SH2D4A: variants seen among roughly 807,000 people sequenced by gnomAD.
SH2D4A encodes SH2 domain containing 4A.
Under a neutral mutation model 64.7 loss-of-function variants are expected in SH2D4A, and 70 were observed. That is an observed-to-expected ratio of 1.08 (90% CI 0.89 to 1.32). The LOEUF (loss-of-function observed/expected upper bound fraction) is 1.32. SH2D4A is among the 40% of genes most tolerant of loss of function. SH2D4A has a pLI of 0.00. For missense variants in SH2D4A, 706 were observed against 540.1 expected (o/e 1.31, Z -3.04); for synonymous variants, 268 against 200.7 (o/e 1.34, Z -2.83).
At chr8:19,393,228 T>C (rs879284048) in intron 8 of SH2D4A, 90 bp from the exon 9 acceptor site, 20 of 1,192,338 alleles carry the variant, frequency 1.7e-5, no homozygotes, top group Middle Eastern at 3.8e-4. Flanking sequence ...TTAGGCGTCA[T>C]TGACTCTATA....
chr8:19,327,900 C>T (rs1167832756), intron 2 of SH2D4A, among the ~76,000 whole-genome samples: 10 of 152,210 alleles, frequency 6.6e-5, no homozygotes. Context: ...CAGAATGAGT[C>T]TCTCTGAAGT....
At chr8:19,318,707 G>T (rs1316891315) in intron 1 of SH2D4A, among the ~76,000 whole-genome samples, 1 of 152,186 alleles carries the variant, frequency 6.6e-6, no homozygotes, top group Non-Finnish European at 1.5e-5. Context: ...GTTCTCTCTT[G>T]CACCTGCCCT....
intron 2 of SH2D4A, among the ~76,000 whole-genome samples, chr8:19,320,351 G>T (rs995546823): frequency 6.6e-6 from 1 of 152,064 alleles, no homozygotes; most frequent in African/African-American, 2.4e-5. Flanking sequence ...AGCAGACAAG[G>T]TGCAGTGGCT....
At chr8:19,340,105 C>A (rs2052504447) in intron 4 of SH2D4A, among the ~76,000 whole-genome samples, 1 of 152,114 alleles carries the variant, frequency 6.6e-6, no homozygotes, top group Non-Finnish European at 1.5e-5. Context: ...GAGGACATGG[C>A]CCCTAGGGCT....
intron 1 of SH2D4A, among the ~76,000 whole-genome samples, chr8:19,318,512 G>A (rs1224239585): frequency 1.3e-5 from 2 of 152,170 alleles, no homozygotes. Context: ...GTGCACTCTC[G>A]CTTTATGGTT....
Position 19,373,595 on chromosome 8 carries a change from A to G in SH2D4A, c.983A>G (p.Glu328Gly), listed in dbSNP as rs1399427600. ...GAGGACATCATCCGGTGGTTTAAAG[A>G]GGAGCAGCTACCACTTCGAGCGGGC... ...AQEDIIRWFK[E>G]EQLPLRAGYQ... Residue 328 changes from glutamate to glycine, a missense_variant, in exon 8 of 10, where the codon GAG (glutamate) becomes GGG (glycine). Glu to Gly is a moderately conservative substitution (Grantham distance 98). Coordinates refer to ENST00000265807, the MANE Select transcript of SH2D4A (RefSeq NM_022071.4). 1.2e-6 allele frequency: 2 copies of G among 1,613,412 alleles called. No individual in the cohort carries two copies. The highest frequency in any genetic ancestry group is 3.3e-5 in the Admixed American group (2 of 59,930).
chr8:19,394,609 C>T lies in SH2D4A; in HGVS notation c.1332C>T (p.Asp444=). Residue 444 remains aspartate (D), a synonymous_variant, in exon 10 of 10, where the codon GAC becomes GAT. Transcript: ENST00000265807. ...ELLLYPCGQQ[D]QLPDYLELFE is the part of the protein sequence containing the mutation. ...TTCTCTATCCCTGTGGTCAGCAGGA[C>T]CAGCTGCCTGACTACCTGGAGCTGT... 1 of 1,611,254 alleles carries T rather than the reference C, an allele frequency of 6.2e-7. No individual in the cohort carries two copies. The highest frequency in any genetic ancestry group is 1.7e-5 in the Admixed American group (1 of 59,770).
At chr8:19,367,064 T>G (rs991648550) in intron 7 of SH2D4A, among the ~76,000 whole-genome samples, 1 of 152,204 alleles carries the variant, frequency 6.6e-6, no homozygotes, top group Non-Finnish European at 1.5e-5. Context: ...CCAGCAATTT[T>G]TTTTATTGCA....
intron 7 of SH2D4A, among the ~76,000 whole-genome samples, chr8:19,364,824 T>C (rs555491987): frequency 4.3e-4 from 66 of 152,320 alleles, no homozygotes; most frequent in Non-Finnish European, 1.0e-4. Flanking sequence ...TTGGAAAGCC[T>C]CCTTTTTTAG....
chr8:19,382,159 T>C (rs544642818), intron 8 of SH2D4A, among the ~76,000 whole-genome samples: 11 of 152,322 alleles, frequency 7.2e-5, no homozygotes, highest in African/African-American at 2.6e-4. Flanking sequence ...GTAACATCCT[T>C]GGACATTTCT....
In SH2D4A at chr8:19,327,283, C is replaced by T. The variant is rs114095463; in HGVS notation, c.182-5672C>T. ...TGGAAAGAGAAACCCTGTAATTAAA[C>T]GAAGTGCTATAAAAAGCTCCCTCCT... On this transcript the variant is annotated intron_variant, in intron 2 of 9. Transcript: ENST00000265807. Among the ~76,000 whole-genome samples the T allele has an allele frequency of 5.4e-3, 820 of 152,238 alleles. 8 individuals are homozygous for T. Among genetic ancestry groups the T allele is most frequent in the African/African-American group, 0.019 (776 of 41,534 alleles).
intron 7 of SH2D4A, among the ~76,000 whole-genome samples, chr8:19,367,150 C>A (rs1189078346): frequency 6.6e-6 from 1 of 152,000 alleles, no homozygotes; most frequent in Non-Finnish European, 1.5e-5. Flanking sequence ...TTGATTGATT[C>A]ATTGTTGGAC....
intron 2 of SH2D4A, among the ~76,000 whole-genome samples, chr8:19,326,015 G>A (rs1187518177): frequency 6.6e-6 from 1 of 152,160 alleles, no homozygotes. Context: ...GTGTGTGGTT[G>A]CCACCCCAGC....
intron 2 of SH2D4A, among the ~76,000 whole-genome samples, chr8:19,324,176 C>G (rs1158397451): frequency 6.6e-6 from 1 of 152,164 alleles, no homozygotes; most frequent in Non-Finnish European, 1.5e-5. Flanking sequence ...TTGGGTAACG[C>G]AAACAGAAGA....
chr8:19,321,524 G>A (rs913524663), intron 2 of SH2D4A, among the ~76,000 whole-genome samples: 2 of 152,168 alleles, frequency 1.3e-5, no homozygotes, highest in African/African-American at 4.8e-5. Context: ...ATGAAACTTA[G>A]ATAAGTTGAG....
At chr8:19,329,560 C>T (rs1393650620) in intron 2 of SH2D4A, among the ~76,000 whole-genome samples, 1 of 152,174 alleles carries the variant, frequency 6.6e-6, no homozygotes, top group African/African-American at 2.4e-5. Context: ...TAAGTGTTTA[C>T]TTGTGTGATA....
intron 1 of SH2D4A, 134 bp downstream of exon 1, chr8:19,313,957 C>T (rs1481691260): frequency 7.9e-7 from 1 of 1,271,406 alleles, no homozygotes; most frequent in African/African-American, 1.6e-5. Flanking sequence ...GAAGCCTCAC[C>T]CCCGCCTCCA....
At chr8:19,329,800 T>C (rs2052342183) in intron 2 of SH2D4A, among the ~76,000 whole-genome samples, 2 of 152,222 alleles carry the variant, frequency 1.3e-5, no homozygotes, top group Non-Finnish European at 1.5e-5. Context: ...TGTAAGACGT[T>C]ACAGGTGCAA....
At position 19,373,610 on chromosome 8, in the gene SH2D4A, T is replaced by A; in HGVS notation, c.998T>A (p.Leu333His). 3.7e-6 allele frequency: 6 copies of A among 1,613,356 alleles called. No individual in the cohort carries two copies. The highest frequency in any genetic ancestry group is 5.1e-6 in the Non-Finnish European group (6 of 1,179,626). Residue 333 changes from leucine (L) to histidine (H), a missense_variant, in exon 8 of 10, where the codon CTT becomes CAT. Transcript: ENST00000265807. ...IRWFKEEQLP[L>H]RAGYQKTSDT... ...TGGTTTAAAGAGGAGCAGCTACCACTTCGAGCGGGCTACCAGAAAACCTCA... is the reference window on the plus strand; with the variant it reads ...TGGTTTAAAGAGGAGCAGCTACCACATCGAGCGGGCTACCAGAAAACCTCA...
Sources: allele counts gnomAD v4.1 joint callset (sites outside exome capture counted in the v4.1 genomes callset), GRCh38; gene constraint gnomAD v4.1.1; transcripts MANE v1.5; gene names NCBI Gene and HGNC (gene_info 2026-07-23, HGNC 2026-07-21).